Variants in ZBTB1 observed in about 807,000 individuals in gnomAD.
The protein encoded by ZBTB1 is zinc finger and BTB domain containing 1, also known as zinc finger and BTB domain-containing protein 1.
In ZBTB1, 13 loss-of-function variants were observed where a neutral mutation model predicts 51.6. The observed-to-expected ratio is 0.25, with a 90% confidence interval of 0.16 to 0.40. ZBTB1 has a LOEUF of 0.40. ZBTB1 is among the 10% of genes least tolerant of loss of function. ZBTB1 has a pLI of 1.00. For missense variants in ZBTB1, 567 were observed against 856.5 expected, an observed-to-expected ratio of 0.66 and a Z score of 4.22; for synonymous variants, 240 against 282.2, an observed-to-expected ratio of 0.85 and a Z score of 1.50.
Position 64,524,848 on chromosome 14 carries a change from G to A in ZBTB1, c.*1202G>A, listed in dbSNP as rs544890199. 1.0e-6 allele frequency: 1 copy of A among 985,026 alleles called. No homozygotes were observed. Among genetic ancestry groups the A allele is most frequent in the East Asian group, 1.1e-4 (1 of 8,818 alleles). The allele number at this position is 985,026 out of a possible 1,614,324, so 61.0% of individuals were successfully genotyped here. On this transcript the variant is annotated 3_prime_UTR_variant, in exon 2 of 2. Coordinates refer to ENST00000683701, the MANE Select transcript of ZBTB1 (RefSeq NM_001123329.2). Reference sequence around the variant, plus strand: ...ACAGTTTATCATTTTTTCAGTTAAAGTAGTAGTATTGTTAGTTGTTGCTGA... The same window carrying A: ...ACAGTTTATCATTTTTTCAGTTAAAATAGTAGTATTGTTAGTTGTTGCTGA...
At chr14:64,515,515 T>C (rs1044591474) in intron 1 of ZBTB1, among the ~76,000 whole-genome samples, 6 of 141,248 alleles carry the variant, frequency 4.2e-5, no homozygotes, top group Non-Finnish European at 7.6e-5. Flanking sequence ...AGTGAATGCC[T>C]CATAATTTTT....
chr14:64,515,394 A>C lies in ZBTB1; in HGVS notation c.-18-6093A>C, dbSNP rs76318649. Among the ~76,000 whole-genome samples the C allele has an allele frequency of 4.3e-3, 650 of 152,352 alleles. 22 individuals carry two copies. The East Asian group carries it at 0.1, about 23-fold the overall frequency. ...TTACTTAAAACCTTTTATAGGCTTT[A>C]CTAGAACATAAAGTTCATTAACTTT... On this transcript the variant is annotated intron_variant, in intron 1 of 1. Coordinates refer to ENST00000683701, the MANE Select transcript of ZBTB1 (RefSeq NM_001123329.2).
At chr14:64,518,568 T>C (rs764043691) in intron 1 of ZBTB1, 6 of 152,136 alleles carry the variant, frequency 3.9e-5, no homozygotes, top group Non-Finnish European at 5.9e-5. Context: ...CAAATAGAAG[T>C]ACGTAAACGT....
downstream of ZBTB1, among the ~76,000 whole-genome samples, chr14:64,527,070 A>G (rs2079908713): frequency 6.6e-6 from 1 of 151,960 alleles, no homozygotes; most frequent in Non-Finnish European, 1.5e-5. Flanking sequence ...AATGACGCAC[A>G]TGGGTTAAAT....
At chr14:64,528,027 C>A (rs2079916381), downstream of ZBTB1, among the ~76,000 whole-genome samples, 1 of 151,870 alleles carries the variant, frequency 6.6e-6, no homozygotes, top group African/African-American at 2.4e-5. Context: ...CTTTTATATT[C>A]TAAAAAAAAG....
intron 1 of ZBTB1, among the ~76,000 whole-genome samples, chr14:64,514,621 A>G (rs1410670353): frequency 6.6e-6 from 1 of 152,260 alleles, no homozygotes; most frequent in Non-Finnish European, 1.5e-5. Context: ...AATAGCTTAC[A>G]CAGTATAACT....
At chr14:64,533,112 C>T (rs910120891) in exon 3 of ZBTB1, 12 of 151,754 alleles carry the variant, frequency 7.9e-5, no homozygotes, top group Admixed American at 3.9e-4. Flanking sequence ...TTTAAAAAAC[C>T]CTTGCTGTAA....
chr14:64,510,388 T>C (rs1056894504), intron 1 of ZBTB1, among the ~76,000 whole-genome samples: 3 of 152,212 alleles, frequency 2.0e-5, no homozygotes, highest in Non-Finnish European at 4.4e-5. Context: ...ATGTAGCTGT[T>C]CTGATTATTA....
At chr14:64,527,047 G>GA (rs1283187660), downstream of ZBTB1, among the ~76,000 whole-genome samples, 5 of 150,832 alleles carry the variant, frequency 3.3e-5, no homozygotes, top group Middle Eastern at 6.9e-3. Context: ...CTCCATCTCT[G>GA]AAAAAAATTA....
At chr14:64,518,265 A>G (rs557013040) in intron 1 of ZBTB1, 2 of 152,346 alleles carry the variant, frequency 1.3e-5, no homozygotes, top group South Asian at 4.1e-4. Context: ...TTGTGCATAC[A>G]TTGCTTTTTG....
exon 3 of ZBTB1, chr14:64,532,051 C>T: frequency 1.3e-6 from 1 of 784,294 alleles, no homozygotes; most frequent in Non-Finnish European, 2.0e-6. Context: ...TGCAAAGATC[C>T]AAGAAAACTC....
At position 64,521,883 on chromosome 14, in the gene ZBTB1, T is replaced by C; in HGVS notation, c.379T>C (p.Ser127Pro). 6.2e-7 allele frequency: 1 copy of C among 1,613,712 alleles called. No homozygotes were observed. ...TGCAGATTGTTCTAGTTCAAAATGT[T>C]CCTCTTCTGCTTCCAGCAAACAGAA... ...QDADCSSSKCSSSASSKQNSK... is the reference protein window; with the variant it reads ...QDADCSSSKCPSSASSKQNSK... Residue 127 changes from serine (S) to proline (P), a missense_variant, in exon 2 of 2, where the codon TCC becomes CCC. Ser to Pro is a moderately conservative substitution (Grantham distance 74). This residue lies in a region of ZBTB1 where 74 missense variants were observed against 74.9 expected (regional missense o/e 0.99). Transcript: ENST00000683701.
At position 64,504,817 on chromosome 14, in the gene ZBTB1, G is replaced by A. The variant is rs1004899938; in HGVS notation, c.-148G>A. 4.1e-5 allele frequency: 16 copies of A among 390,486 alleles called. No homozygotes were observed. Among genetic ancestry groups the A allele is most frequent in the Middle Eastern group, 6.5e-4 (1 of 1,550 alleles). 24.2% of individuals were successfully genotyped at this position (390,486 alleles called of 1,614,324 possible). On this transcript the variant is annotated 5_prime_UTR_variant, in exon 1 of 2. Transcript: ENST00000683701. ...AGCCAGAGCCTCTCCGCGCAGCCCAGCCCGAGCGCCGAGCGCCGCGCGCCG... is the reference window on the plus strand; with the variant it reads ...AGCCAGAGCCTCTCCGCGCAGCCCAACCCGAGCGCCGAGCGCCGCGCGCCG...
chr14:64,520,254 C>T (rs374133502), intron 1 of ZBTB1, among the ~76,000 whole-genome samples: 4 of 152,270 alleles, frequency 2.6e-5, no homozygotes, highest in South Asian at 4.1e-4. Context: ...CCGCCCGCCT[C>T]GGCCTCCCAA....
intron 1 of ZBTB1, chr14:64,516,690 A>C (rs2079789883): frequency 6.6e-6 from 1 of 152,260 alleles, no homozygotes; most frequent in Admixed American, 6.5e-5. Flanking sequence ...CCTCAAATGA[A>C]TACAGAATAC....
chr14:64,515,869 C>T (rs183222097), intron 1 of ZBTB1, among the ~76,000 whole-genome samples: 52 of 152,284 alleles, frequency 3.4e-4, no homozygotes, highest in African/African-American at 1.2e-3. Context: ...CTAAAAGTCT[C>T]ACAGGAATTT....
chr14:64,513,981 T>C (rs1050466785), intron 1 of ZBTB1, among the ~76,000 whole-genome samples: 1 of 152,208 alleles, frequency 6.6e-6, no homozygotes, highest in Non-Finnish European at 1.5e-5. Flanking sequence ...ATTAAACTCC[T>C]CAAATTGTTT....
chr14:64,522,849 G>T lies in ZBTB1; in HGVS notation c.1345G>T (p.Ala449Ser). ...AGCCAAACACATTGAAAATATCTGT[G>T]CATGTGGTAAATGTGGACAAATACT... is the stretch of plus-strand genomic sequence containing the variant. ...YLAKHIENIC[A>S]CGKCGQILVK... Residue 449 changes from alanine (A) to serine (S), a missense_variant, in exon 2 of 2, where the codon GCA becomes TCA. Ala to Ser is a moderately conservative substitution (Grantham distance 99, BLOSUM62 1). This residue lies in a region of ZBTB1 where 329 missense variants were observed against 406.3 expected (regional missense o/e 0.81). Coordinates refer to ENST00000683701, the MANE Select transcript of ZBTB1 (RefSeq NM_001123329.2). The T allele has an allele frequency of 3.1e-6, 5 of 1,614,160 alleles. No individual in the cohort carries two copies. The highest frequency in any genetic ancestry group is 4.2e-6 in the Non-Finnish European group (5 of 1,180,020).
intron 1 of ZBTB1, among the ~76,000 whole-genome samples, chr14:64,518,881 T>C (rs975382097): frequency 3.0e-5 from 4 of 132,172 alleles, no homozygotes; most frequent in Non-Finnish European, 4.7e-5. Context: ...TAATGTTAAA[T>C]GAAGAAAACT....
Sources: allele counts gnomAD v4.1 joint callset (sites outside exome capture counted in the v4.1 genomes callset), GRCh38; gene constraint gnomAD v4.1.1; regional missense constraint gnomAD v4.1.1; transcripts MANE v1.5; gene names NCBI Gene and HGNC (gene_info 2026-07-23, HGNC 2026-07-21).